Variants in CDK5RAP2 observed in about 807,000 individuals in gnomAD.
The protein encoded by CDK5RAP2 is CDK5 regulatory subunit associated protein 2.
A neutral mutation model predicts 232.9 loss-of-function variants in CDK5RAP2; 147 were observed. The observed-to-expected ratio is 0.63, with a 90% CI of 0.55 to 0.72. The LOEUF (loss-of-function observed/expected upper bound fraction) is 0.72, where lower values mean the gene tolerates loss of function less well. CDK5RAP2 is among the 30% of genes least tolerant of loss of function. The pLI, the probability that CDK5RAP2 is intolerant of heterozygous loss-of-function variation, is 0.00. For synonymous variants in CDK5RAP2, 833 were observed against 833.7 expected, an observed-to-expected ratio of 1.00 and a Z score of 0.01; for missense variants, 2,195 against 2,231.5, an observed-to-expected ratio of 0.98 and a Z score of 0.33.
chr9:120,497,011 C>G (rs1224903374), intron 12 of CDK5RAP2, among the ~76,000 whole-genome samples: 1 of 135,944 alleles, frequency 7.4e-6, no homozygotes, highest in African/African-American at 3.2e-5. Flanking sequence ...GGATGGTTGC[C>G]GTGTCTGTGT....
chr9:120,494,138 A>G (rs984530497), intron 12 of CDK5RAP2, among the ~76,000 whole-genome samples: 6 of 151,890 alleles, frequency 4.0e-5, no homozygotes, highest in African/African-American at 1.5e-4. Flanking sequence ...GAACTCTGCT[A>G]TCAGTCTGAA....
intron 2 of CDK5RAP2, 46 bp from the exon 3 acceptor site, chr9:120,568,434 C>G: frequency 3.0e-6 from 4 of 1,321,870 alleles, no homozygotes; most frequent in Non-Finnish European, 3.3e-6. Flanking sequence ...ATGCAAACTG[C>G]CCAGTGTTCC....
At chr9:120,517,785 C>T (rs1185650880) in intron 12 of CDK5RAP2, 1 of 266,340 alleles carries the variant, frequency 3.8e-6, no homozygotes, top group Non-Finnish European at 7.6e-6. Flanking sequence ...GTGAGGTGGG[C>T]ATGGTGGCAT....
chr9:120,494,639 G>A (rs1446043336), intron 12 of CDK5RAP2, among the ~76,000 whole-genome samples: 1 of 151,802 alleles, frequency 6.6e-6, no homozygotes, highest in African/African-American at 2.4e-5. Flanking sequence ...AGGAGGAAGA[G>A]GACAGCTCTT....
At chr9:120,504,801 T>C (rs920991795) in intron 12 of CDK5RAP2, among the ~76,000 whole-genome samples, 1 of 152,226 alleles carries the variant, frequency 6.6e-6, no homozygotes, top group African/African-American at 2.4e-5. Flanking sequence ...GCTCTCTGCC[T>C]GTATCTACCA....
intron 25 of CDK5RAP2, among the ~76,000 whole-genome samples, chr9:120,425,072 T>C (rs1219572872): frequency 6.6e-6 from 1 of 152,148 alleles, no homozygotes; most frequent in Non-Finnish European, 1.5e-5. Context: ...TGGGGCAGGC[T>C]TTAAGCATTC....
At chr9:120,443,854 G>A in intron 22 of CDK5RAP2, 112 bp from the exon 23 acceptor site, 1 of 1,355,114 alleles carries the variant, frequency 7.4e-7, no homozygotes, top group Non-Finnish European at 1.0e-6. Flanking sequence ...AAACACTGGG[G>A]AGGCAAAATG....
chr9:120,506,140 TA>T (rs1360940821), intron 12 of CDK5RAP2, among the ~76,000 whole-genome samples: 3 of 152,148 alleles, frequency 2.0e-5, no homozygotes, highest in African/African-American at 7.2e-5. Flanking sequence ...ATGCAGCTGG[TA>T]ACTTTAACTG....
chr9:120,467,319 G>A (rs189773417), intron 18 of CDK5RAP2, among the ~76,000 whole-genome samples: 61 of 152,226 alleles, frequency 4.0e-4, no homozygotes, highest in Admixed American at 1.6e-3. Flanking sequence ...AGACCACATC[G>A]CTCATCCAGA....
intron 5 of CDK5RAP2, among the ~76,000 whole-genome samples, chr9:120,542,065 G>A (rs2041654875): frequency 6.6e-6 from 1 of 152,116 alleles, no homozygotes; most frequent in African/African-American, 2.4e-5. Context: ...ATTTTCCTGT[G>A]GCAGATGTCA....
chr9:120,417,573 C>T (rs2034305715), intron 27 of CDK5RAP2, among the ~76,000 whole-genome samples: 1 of 152,246 alleles, frequency 6.6e-6, no homozygotes, highest in Admixed American at 6.5e-5. Flanking sequence ...AACATGCCAT[C>T]TTCCACTGAG....
rs906660002 is a variant in CDK5RAP2, at chr9:120,439,259, G to T, written c.3722+140C>A. 1.7e-5 allele frequency: 14 copies of T among 804,248 alleles called. No homozygotes were observed. The South Asian group carries it at 2.0e-4, about 11-fold the overall frequency. The allele number at this position is 804,248 out of a possible 1,614,324, so 49.8% of individuals were successfully genotyped here. A position where few individuals can be genotyped will look rare whatever the true frequency, so the allele number is the denominator to read the frequency against. On this transcript the variant is annotated intron_variant, in intron 24 of 37. Transcript: ENST00000349780. Reference sequence around the variant, plus strand: ...CCTTCTCCACAGGACCTGGCTGCCTGAACCCCACCATCAAGCCTTCCCCAG... The same window carrying T: ...CCTTCTCCACAGGACCTGGCTGCCTTAACCCCACCATCAAGCCTTCCCCAG...
At chr9:120,463,055 G>A (rs2037178313) in intron 18 of CDK5RAP2, among the ~76,000 whole-genome samples, 1 of 152,118 alleles carries the variant, frequency 6.6e-6, no homozygotes. Flanking sequence ...TTAGGAGAAA[G>A]TCTTTCCCAT....
At chr9:120,530,342 G>T (rs2041096178) in intron 7 of CDK5RAP2, among the ~76,000 whole-genome samples, 3 of 152,092 alleles carry the variant, frequency 2.0e-5, no homozygotes, top group Non-Finnish European at 4.4e-5. Context: ...CCTCCAGCCT[G>T]GCTCCAGTCA....
chr9:120,481,732 C>T (rs779891140), intron 14 of CDK5RAP2, among the ~76,000 whole-genome samples: 121 of 152,066 alleles, frequency 8.0e-4, no homozygotes, highest in Admixed American at 8.5e-4. Context: ...AGGATGGTTG[C>T]GAACTCCTGA....
At chr9:120,389,353 C>G (rs1446509520) in intron 37 of CDK5RAP2, 61 bp from the exon 38 acceptor site, 1 of 1,353,710 alleles carries the variant, frequency 7.4e-7, no homozygotes, top group Non-Finnish European at 1.0e-6. Flanking sequence ...TGAAGTAAGA[C>G]CCCGACAGAG....
At chr9:120,496,422 G>A (rs2039245261) in intron 12 of CDK5RAP2, among the ~76,000 whole-genome samples, 5 of 142,586 alleles carry the variant, frequency 3.5e-5, no homozygotes, top group African/African-American at 1.3e-4. Flanking sequence ...CGCCCTGTCC[G>A]GGAGGTGAGG....
intron 22 of CDK5RAP2, among the ~76,000 whole-genome samples, chr9:120,446,545 G>C (rs370666392): frequency 6.6e-6 from 1 of 152,084 alleles, no homozygotes; most frequent in African/African-American, 2.4e-5. Flanking sequence ...CCACTTTAAG[G>C]CTTAAGTCAA....
At chr9:120,517,463 T>C (rs1588540852) in intron 12 of CDK5RAP2, among the ~76,000 whole-genome samples, 2 of 152,228 alleles carry the variant, frequency 1.3e-5, no homozygotes, top group South Asian at 2.1e-4. Flanking sequence ...TTCATGGCAA[T>C]GATCACTCAG....
Sources: gnomAD v4.1 joint callset for allele counts (sites outside exome capture counted in the v4.1 genomes callset) on GRCh38, gnomAD v4.1.1 for gene constraint, MANE v1.5 for transcripts, NCBI Gene and HGNC (gene_info 2026-07-23, HGNC 2026-07-21) for gene names.